Variants in DENND2C observed in about 807,000 individuals in gnomAD.
DENND2C encodes the protein DENN domain-containing protein 2C.
Under a neutral mutation model 112.4 loss-of-function variants are expected in DENND2C, and 72 were observed. The observed-to-expected ratio is 0.64, with a 90% CI of 0.53 to 0.78. The LOEUF (loss-of-function observed/expected upper bound fraction) is 0.78, where lower values mean the gene tolerates loss of function less well. DENND2C is among the 30% of genes least tolerant of loss of function. DENND2C has a pLI of 0.00. For synonymous variants in DENND2C, 329 were observed against 381.6 expected (o/e 0.86, Z 1.61); for missense variants, 992 against 1,113.8 (o/e 0.89, Z 1.56).
intron 18 of DENND2C, among the ~76,000 whole-genome samples, chr1:114,590,675 G>A (rs2101640092): frequency 6.6e-6 from 1 of 151,766 alleles, no homozygotes; most frequent in East Asian, 2.0e-4. Context: ...CTATGCGGAA[G>A]GCTGAGGCAG....
intron 1 of DENND2C, among the ~76,000 whole-genome samples, chr1:114,662,386 A>C (rs528952204): frequency 6.6e-6 from 1 of 152,310 alleles, no homozygotes; most frequent in East Asian, 1.9e-4. Context: ...TCTGTCCCTG[A>C]ATTTTAACAT....
intron 3 of DENND2C, among the ~76,000 whole-genome samples, chr1:114,628,478 T>C (rs920626176): frequency 6.6e-5 from 10 of 152,302 alleles, no homozygotes; most frequent in Non-Finnish European, 1.5e-4. Flanking sequence ...GGTATTTTCT[T>C]TCTCCTAAAT....
chr1:114,665,137 T>C (rs186307357), intron 1 of DENND2C, among the ~76,000 whole-genome samples: 23 of 151,722 alleles, frequency 1.5e-4, no homozygotes, highest in Admixed American at 3.9e-4. Flanking sequence ...GGGGTGGTGG[T>C]GCATGCCTGT....
At chr1:114,655,900 A>ATATGTATAT (rs1553238226) in intron 1 of DENND2C, among the ~76,000 whole-genome samples, 1 of 143,716 alleles carries the variant, frequency 7.0e-6, no homozygotes, top group East Asian at 2.1e-4. Flanking sequence ...ATATATATAT[A>ATATGTATAT]ATATGTATGT....
intron 5 of DENND2C, 106 bp downstream of exon 5, chr1:114,623,401 C>A: frequency 8.8e-7 from 1 of 1,141,780 alleles, no homozygotes; most frequent in Non-Finnish European, 1.2e-6. Context: ...AAGAGAAAAA[C>A]CTAGAGCAAT....
intron 1 of DENND2C, among the ~76,000 whole-genome samples, chr1:114,667,278 C>T (rs990351358): frequency 1.3e-5 from 2 of 152,158 alleles, no homozygotes; most frequent in African/African-American, 2.4e-5. Flanking sequence ...ACTCTTCAAA[C>T]GTACCTAAAT....
At chr1:114,587,224 T>C (rs1655062212) in intron 20 of DENND2C, 163 bp downstream of exon 20, 1 of 726,238 alleles carries the variant, frequency 1.4e-6, no homozygotes, top group Non-Finnish European at 2.4e-6. Context: ...TTTTAAAATT[T>C]TGTGTAGGGA....
intron 11 of DENND2C, among the ~76,000 whole-genome samples, chr1:114,603,386 G>A (rs763222952): frequency 3.2e-4 from 48 of 151,674 alleles, no homozygotes; most frequent in Admixed American, 2.2e-3. Flanking sequence ...TGATCCACCC[G>A]CCTTGGCCTG....
chr1:114,624,020 C>A (rs1656263031), intron 4 of DENND2C, among the ~76,000 whole-genome samples: 1 of 152,112 alleles, frequency 6.6e-6, no homozygotes, highest in South Asian at 2.1e-4. Context: ...ACAGAAAATT[C>A]TAATCTTCTT....
chr1:114,637,814 T>G (rs986421440), intron 3 of DENND2C, among the ~76,000 whole-genome samples: 2 of 152,118 alleles, frequency 1.3e-5, no homozygotes, highest in African/African-American at 4.8e-5. Flanking sequence ...TGGGCCTGGC[T>G]AGGAATATTC....
chr1:114,622,088 G>A, intron 6 of DENND2C, 23 bp from the exon 7 acceptor site: 2 of 1,502,310 alleles, frequency 1.3e-6, no homozygotes, highest in Non-Finnish European at 1.8e-6. Context: ...AAGATGTACT[G>A]GTAAGATCAC....
At chr1:114,664,822 G>A (rs145850117) in intron 1 of DENND2C, among the ~76,000 whole-genome samples, 3,936 of 150,924 alleles carry the variant, frequency 0.026, 91 homozygotes, top group Non-Finnish European at 0.034. Flanking sequence ...GCCGGGTGTG[G>A]TGGCTCACAC....
At position 114,597,739 on chromosome 1, in the gene DENND2C, C is replaced by T. The variant is rs528010924; in HGVS notation, c.2283+1535G>A. Among the ~76,000 whole-genome samples, 7 of 152,208 alleles carry T rather than the reference C, an allele frequency of 4.6e-5. No individual in the cohort carries two copies. The East Asian group carries it at 5.8e-4, about 13-fold the overall frequency. On this transcript the variant is annotated intron_variant, in intron 16 of 20. Transcript: ENST00000393274. ...CAGAAGTTGCAGTGAGCTGAGATCA[C>T]GCCACTGCACTCCAGCCTGGGCAAC...
At position 114,624,361 on chromosome 1, in the gene DENND2C, A is replaced by G. The variant is rs538885477; in HGVS notation, c.807-718T>C. ...CTGCTGCCCAGGCTGGAGTGCAGTG[A>G]AGTGATCATGGCTCACTGTAGCCTG... On this transcript the variant is annotated intron_variant, in intron 4 of 20. Coordinates refer to ENST00000393274, the MANE Select transcript of DENND2C (RefSeq NM_001256404.2). 1.1e-3 allele frequency among the ~76,000 whole-genome samples: 170 copies of G among 152,174 alleles called. 1 individual carries two copies. Among genetic ancestry groups the G allele is most frequent in the African/African-American group, 4.0e-3 (167 of 41,528 alleles).
At chr1:114,629,984 G>C (rs1423413597) in intron 3 of DENND2C, among the ~76,000 whole-genome samples, 1 of 152,170 alleles carries the variant, frequency 6.6e-6, no homozygotes, top group Non-Finnish European at 1.5e-5. Context: ...AAATAATGAA[G>C]GGGTACACTG....
chr1:114,619,447 G>C (rs1158384110), intron 7 of DENND2C, among the ~76,000 whole-genome samples: 2 of 151,958 alleles, frequency 1.3e-5, no homozygotes, highest in Non-Finnish European at 2.9e-5. Context: ...ATTCTCTTTT[G>C]TCCTTGTTTC....
At position 114,608,835 on chromosome 1, in the gene DENND2C, T is replaced by C; in HGVS notation, c.1408A>G (p.Lys470Glu). The C allele has an allele frequency of 6.2e-7, 1 of 1,614,220 alleles. No homozygotes were observed. Among genetic ancestry groups the C allele is most frequent in the Non-Finnish European group, 8.5e-7 (1 of 1,180,030 alleles). ...KRLAQLQPSS[K>E]RNPHYQTLER... ...AAGGTCTGGTAGTGAGGATTCCTCT[T>C]GGAAGACGGTTGCAGTTGTGCTAAG... Residue 470 changes from lysine (K) to glutamate (E), a missense_variant, in exon 10 of 21, where the codon AAG (lysine) becomes GAG (glutamate). Transcript: ENST00000393274.
intron 6 of DENND2C, 141 bp from the exon 7 acceptor site, chr1:114,622,206 T>C (rs1656186216): frequency 8.6e-6 from 7 of 814,606 alleles, no homozygotes; most frequent in Middle Eastern, 7.3e-4. Context: ...CTTGATCTCC[T>C]GAGCTCAAGT....
At chr1:114,605,932 T>C (rs1450752734) in intron 10 of DENND2C, among the ~76,000 whole-genome samples, 1 of 152,250 alleles carries the variant, frequency 6.6e-6, no homozygotes, top group Non-Finnish European at 1.5e-5. Context: ...TTTGCATAAA[T>C]CTGGTACTGT....
Sources: allele counts gnomAD v4.1 joint callset (sites outside exome capture counted in the v4.1 genomes callset), GRCh38; gene constraint gnomAD v4.1.1; transcripts MANE v1.5; gene names NCBI Gene and HGNC (gene_info 2026-07-23, HGNC 2026-07-21).